The following ECEL1 variants were observed in gnomAD, a reference collection of about 807,000 sequenced individuals.
The protein encoded by ECEL1 is endothelin converting enzyme like 1.
Under a neutral mutation model 101.8 loss-of-function variants are expected in ECEL1, and 87 were observed. That is an observed-to-expected ratio of 0.85 (90% confidence interval 0.72 to 1.02). The LOEUF (loss-of-function observed/expected upper bound fraction) is 1.02, where lower values mean the gene tolerates loss of function less well. Among genes scored for constraint, ECEL1 ranks in the 50% least tolerant of loss-of-function variants. The probability of loss-of-function intolerance (pLI) is 0.00; values close to 1 mark genes in which losing one functional copy is unlikely to be tolerated. For missense variants in ECEL1, 1,032 were observed against 1,079.2 expected (o/e 0.96, Z 0.61); for synonymous variants, 487 against 468.7 (o/e 1.04, Z -0.50).
intron 1 of ECEL1, among the ~76,000 whole-genome samples, chr2:232,487,009 G>A (rs1466228819): frequency 6.6e-6 from 1 of 152,240 alleles, no homozygotes; most frequent in Non-Finnish European, 1.5e-5. Context: ...AGAGGCGCCA[G>A]GCAAGGGGCC....
Position 232,486,267 on chromosome 2 carries a change from G to A in ECEL1, c.387C>T (p.Phe129=), listed in dbSNP as rs775731269. 6.2e-7 allele frequency: 1 copy of A among 1,600,840 alleles called. No homozygotes were observed. Residue 129 remains phenylalanine (F), a synonymous_variant, in exon 2 of 18, where the codon TTC becomes TTT. Coordinates refer to ENST00000304546, the MANE Select transcript of ECEL1 (RefSeq NM_004826.4). Reference sequence around the variant, plus strand: ...GGCGCCGCAGCCAACCGCCGCAGGCGAACGAGTAGAAGTCCTGGCATGGGT... The same window carrying A: ...GGCGCCGCAGCCAACCGCCGCAGGCAAACGAGTAGAAGTCCTGGCATGGGT... ...SIDPCQDFYS[F]ACGGWLRRHA...
At chr2:232,483,260 G>A in intron 8 of ECEL1, 81 bp from the exon 9 acceptor site, 1 of 1,572,192 alleles carries the variant, frequency 6.4e-7, no homozygotes. Context: ...CCAAGGAAGG[G>A]AGCACTAGGC....
chr2:232,481,733 C>G, intron 13 of ECEL1, 49 bp downstream of exon 13: 1 of 1,610,922 alleles, frequency 6.2e-7, no homozygotes, highest in East Asian at 2.2e-5. Context: ...CTCTCCACTG[C>G]CTGTCCTGCC....
chr2:232,480,827 G>T lies in ECEL1; in HGVS notation c.2056-14C>A. On this transcript the variant is annotated splice_polypyrimidine_tract_variant and intron_variant, in intron 15 of 17. Transcript: ENST00000304546. The stretch of plus-strand genomic sequence containing the variant: ...CTTCTGATAGGCCTGGGGACACAGA[G>T]AGCATGGACCTGCTATGCCCGCCCA... 1 of 1,609,566 alleles carries T rather than the reference G, an allele frequency of 6.2e-7. No homozygotes were observed. Among genetic ancestry groups the T allele is most frequent in the Non-Finnish European group, 8.5e-7 (1 of 1,177,870 alleles).
intron 6 of ECEL1, 81 bp downstream of exon 6, chr2:232,484,391 G>A: frequency 1.3e-6 from 2 of 1,585,370 alleles, no homozygotes; most frequent in Non-Finnish European, 1.7e-6. Context: ...AAAATGTAAA[G>A]CCCACCCAGC....
Position 232,480,437 on chromosome 2 carries a change from C to A in ECEL1, c.2190G>T (p.Leu730=), listed in dbSNP as rs754018411. The A allele has an allele frequency of 3.1e-6, 5 of 1,613,954 alleles. No homozygotes were observed. Among genetic ancestry groups the A allele is most frequent in the Middle Eastern group, 3.3e-4 (2 of 6,056 alleles). Reference sequence around the variant, plus strand: ...GGGCATGCTTGTCAGTCAGCACCTGCAGGTAGATGGACTGCGACCGCCGCT... The same window carrying A: ...GGGCATGCTTGTCAGTCAGCACCTGAAGGTAGATGGACTGCGACCGCCGCT... ...CIKRRSQSIY[L]QVLTDKHAPE... The change falls in exon 17 of 18, where the codon CTG becomes CTT. Residue 730 remains leucine, a synonymous_variant. Coordinates refer to ENST00000304546, the MANE Select transcript of ECEL1 (RefSeq NM_004826.4).
intron 5 of ECEL1, 64 bp from the exon 6 acceptor site, chr2:232,484,660 G>A (rs1690673473): frequency 8.7e-6 from 14 of 1,606,864 alleles, no homozygotes; most frequent in Non-Finnish European, 9.4e-6. Flanking sequence ...GACAGGGAGG[G>A]GGCAGAGAGA....
chr2:232,486,644 G>T lies in ECEL1; in HGVS notation c.10C>A (p.Pro4Thr). The change falls in exon 2 of 18, where the codon CCG becomes ACG. Residue 4 changes from proline to threonine, a missense_variant. Pro to Thr is a conservative substitution (Grantham distance 38). Coordinates refer to ENST00000304546, the MANE Select transcript of ECEL1 (RefSeq NM_004826.4). MEP[P>T]YSLTAHYDEF... ...TCGTAGTGCGCCGTCAGCGAATACG[G>T]GGGCTCCATGGCGCCGAGGCCGCCG... The T allele has an allele frequency of 6.5e-7, 1 of 1,528,858 alleles. No individual in the cohort carries two copies. The highest frequency in any genetic ancestry group is 1.9e-5 in the Admixed American group (1 of 51,676). 94.7% of individuals were successfully genotyped at this position (1,528,858 alleles called of 1,614,324 possible).
At position 232,481,127 on chromosome 2, in the gene ECEL1, GTTC is replaced by G. The variant is rs1267158841; in HGVS notation, c.2016_2018del (p.Glu672_Asn673delinsAsp). The stretch of plus-strand genomic sequence containing the variant: ...GCTTGAGGCCGCCCATATCTGCGAT[GTTC>G]TCCCCAAGCGTGTGTTTCCCGTTCA... On this transcript the variant is annotated inframe_deletion, in exon 15 of 18. Coordinates refer to ENST00000304546, the MANE Select transcript of ECEL1 (RefSeq NM_004826.4). 2 of 1,569,618 alleles carry G rather than the reference GTTC, an allele frequency of 1.3e-6. No individual in the cohort carries two copies. Among genetic ancestry groups the G allele is most frequent in the Non-Finnish European group, 8.6e-7 (1 of 1,157,172 alleles).
rs764591336 is a variant in ECEL1 at position 232,481,829 on chromosome 2, A to G, written c.1817T>C (p.Ile606Thr). Residue 606 changes from isoleucine to threonine, a missense_variant, in exon 13 of 18, where the codon ATC becomes ACC. Transcript: ENST00000304546. ...CAGCTCATGTCCAATGATGGTGCCGATGCCCCCGTAGTTGAGAGACCTGGG... is the reference window on the plus strand; with the variant it reads ...CAGCTCATGTCCAATGATGGTGCCGGTGCCCCCGTAGTTGAGAGACCTGGG... The part of the protein sequence containing the change: ...DFPQSLNYGG[I>T]GTIIGHELTH... 3 of 1,613,956 alleles carry G rather than the reference A, an allele frequency of 1.9e-6. No individual in the cohort carries two copies. In the South Asian group the frequency reaches 3.3e-5, roughly 18 times the overall value.
Position 232,484,181 on chromosome 2 carries a change from C to G in ECEL1, c.1227G>C (p.Leu409=), listed in dbSNP as rs1360318733. Residue 409 remains leucine (L), a synonymous_variant, in exon 7 of 18, where the codon CTG becomes CTC. Transcript: ENST00000304546. Reference sequence around the variant, plus strand: ...GGAATGGCGGGGACAGGTGTTCACTCAGGACCACCACCACGCGCCACACCA... The same window carrying G: ...GGAATGGCGGGGACAGGTGTTCACTGAGGACCACCACCACGCGCCACACCA... ...NYLVWRVVVV[L]SEHLSPPFRE... The G allele has an allele frequency of 6.2e-7, 1 of 1,613,172 alleles. No homozygotes were observed. The highest frequency in any genetic ancestry group is 8.5e-7 in the Non-Finnish European group (1 of 1,179,942).
intron 15 of ECEL1, 43 bp downstream of exon 15, chr2:232,481,048 C>A: frequency 6.5e-7 from 1 of 1,548,636 alleles, no homozygotes. Flanking sequence ...CATCAGCCCC[C>A]GTCCCTCCTG....
chr2:232,481,012 C>T, intron 15 of ECEL1, 79 bp downstream of exon 15: 1 of 1,517,786 alleles, frequency 6.6e-7, no homozygotes, highest in Non-Finnish European at 8.9e-7. Flanking sequence ...CAGGGAGAGG[C>T]AGCTCTGTCC....
At position 232,482,852 on chromosome 2, in the gene ECEL1, T is replaced by A; in HGVS notation, c.1684A>T (p.Thr562Ser). The A allele has an allele frequency of 6.2e-7, 1 of 1,613,934 alleles. No individual in the cohort carries two copies. Among genetic ancestry groups the A allele is most frequent in the Non-Finnish European group, 8.5e-7 (1 of 1,179,950 alleles). Reference protein sequence around the residue: ...KKIRQEVDKSTWLLPPQALNA... With the variant: ...KKIRQEVDKSSWLLPPQALNA... ...CCCAGCTCTGGGCCAGGCACCCACGTGGACTTGTCCACCTCCTGCCGAATC... is the reference window on the plus strand; with the variant it reads ...CCCAGCTCTGGGCCAGGCACCCACGAGGACTTGTCCACCTCCTGCCGAATC... The change falls in exon 10 of 18, where the codon ACG becomes TCG. Residue 562 changes from threonine to serine, a missense_variant and splice_region_variant. Thr to Ser is a moderately conservative substitution (Grantham distance 58). Transcript: ENST00000304546.
chr2:232,487,753 G>A lies in ECEL1; in HGVS notation c.-136C>T, dbSNP rs981609912. 20 of 150,390 alleles carry A rather than the reference G, an allele frequency of 1.3e-4. No homozygotes were observed. The highest frequency in any genetic ancestry group is 4.0e-4 in the Admixed American group (6 of 15,108). The allele number at this position is 150,390 out of a possible 1,614,324, so 9.3% of individuals were successfully genotyped here. A position where few individuals can be genotyped will look rare whatever the true frequency, so the allele number is the denominator to read the frequency against. On this transcript the variant is annotated 5_prime_UTR_variant, in exon 1 of 18. Coordinates refer to ENST00000304546, the MANE Select transcript of ECEL1 (RefSeq NM_004826.4). ...GCGCGCCCGAGCCGGCGGTGACCGA[G>A]CGGGTCGGGCCCGAGCGGGGGCCTG...
Position 232,484,781 on chromosome 2 carries a change from G to A in ECEL1, c.1059+20C>T, listed in dbSNP as rs369425345. 388 of 1,613,280 alleles carry A rather than the reference G, an allele frequency of 2.4e-4. No homozygotes were observed. The highest frequency in any genetic ancestry group is 6.7e-5 in the East Asian group (3 of 44,892). On this transcript the variant is annotated intron_variant, in intron 5 of 17. Transcript: ENST00000304546. ...ATTGCCCTCAACCCTGCCTGCCCAC[G>A]AGGACTGGGCCACACTCACGTGGGG...
At position 232,486,599 on chromosome 2, in the gene ECEL1, A is replaced by G. The variant is rs1195103103; in HGVS notation, c.55T>C (p.Tyr19His). ...CCCCCCGCGCCGCAGCGGCTCACGT[A>G]CTTGACCTCTTGGAACTCATCGTAG... Reference protein sequence around the residue: ...AHYDEFQEVKYVSRCGAGGAR... With the variant: ...AHYDEFQEVKHVSRCGAGGAR... Residue 19 changes from tyrosine to histidine, a missense_variant, in exon 2 of 18, where the codon TAC becomes CAC. Coordinates refer to ENST00000304546, the MANE Select transcript of ECEL1 (RefSeq NM_004826.4). 6.0e-6 allele frequency: 9 copies of G among 1,496,218 alleles called. No homozygotes were observed. The highest frequency in any genetic ancestry group is 8.0e-6 in the Non-Finnish European group (9 of 1,131,722). 92.7% of individuals were successfully genotyped at this position (1,496,218 alleles called of 1,614,324 possible).
At position 232,484,510 on chromosome 2, in the gene ECEL1, C is replaced by T. The variant is rs140675806; in HGVS notation, c.1146G>A (p.Met382Ile). 228 of 1,613,834 alleles carry T rather than the reference C, an allele frequency of 1.4e-4. No individual in the cohort carries two copies. Among genetic ancestry groups the T allele is most frequent in the Non-Finnish European group, 1.8e-4 (218 of 1,180,024 alleles). ...EEVVLLATDY[M>I]QQVSQLIRST... The stretch of plus-strand genomic sequence containing the variant: ...AGCGGATGAGCTGCGACACCTGCTG[C>T]ATGTAGTCTGTCGCCAGCAGCACCA... The change falls in exon 6 of 18, where the codon ATG becomes ATA. Residue 382 changes from methionine to isoleucine, a missense_variant. By Grantham distance (10) the Met-to-Ile change is conservative. Transcript: ENST00000304546.
intron 5 of ECEL1, 44 bp from the exon 6 acceptor site, chr2:232,484,640 G>A (rs1327438863): frequency 1.2e-6 from 2 of 1,609,980 alleles, no homozygotes; most frequent in Admixed American, 1.7e-5. Flanking sequence ...GGTTGGCAGG[G>A]GCCACAGAAG....
Sources: gnomAD v4.1 joint callset for allele counts (sites outside exome capture counted in the v4.1 genomes callset) on GRCh38, gnomAD v4.1.1 for gene constraint, MANE v1.5 for transcripts, NCBI Gene and HGNC (gene_info 2026-07-23, HGNC 2026-07-21) for gene names.